NDUFB5: variants seen among roughly 807,000 people sequenced by gnomAD.
NDUFB5 encodes the protein NADH:ubiquinone oxidoreductase subunit B5.
Under a neutral mutation model 19.4 loss-of-function variants are expected in NDUFB5, and 19 were observed. That is an observed-to-expected ratio of 0.98 (90% CI 0.68 to 1.43). The LOEUF (loss-of-function observed/expected upper bound fraction) is 1.43, where lower values mean the gene tolerates loss of function less well. Among genes scored for constraint, NDUFB5 ranks in the 40% most tolerant of loss-of-function variants. The probability of loss-of-function intolerance (pLI) is 0.00; values close to 1 mark genes in which losing one functional copy is unlikely to be tolerated. For synonymous variants in NDUFB5, 80 were observed against 82.6 expected, an observed-to-expected ratio of 0.97 and a Z score of 0.17; for missense variants, 233 against 236.5, an observed-to-expected ratio of 0.99 and a Z score of 0.10.
At position 179,627,282 on chromosome 3, in the gene NDUFB5, G is replaced by A. The variant is rs1467283644; in HGVS notation, c.*3242G>A. On this transcript the variant is annotated 3_prime_UTR_variant, in exon 6 of 6. Coordinates refer to ENST00000259037, the MANE Select transcript of NDUFB5 (RefSeq NM_002492.4). ...CCCAATTCCCCCTGAGAAAGAGAAA[G>A]AGCTGGAGTCCTTTAAAAATTCACT... 6.6e-6 allele frequency: 1 copy of A among 152,192 alleles called. No homozygotes were observed. Among genetic ancestry groups the A allele is most frequent in the African/African-American group, 2.4e-5 (1 of 41,438 alleles). 9.4% of individuals were successfully genotyped at this position (152,192 alleles called of 1,614,324 possible).
At chr3:179,618,595 A>G in intron 5 of NDUFB5, 74 bp downstream of exon 5, 1 of 984,646 alleles carries the variant, frequency 1.0e-6, no homozygotes. Context: ...AATTAATAAA[A>G]CTATGAATAT....
In NDUFB5 at chr3:179,624,795, C is replaced by CTTTTTTT. The variant is rs56727188; in HGVS notation, c.*770_*776dup. The CTTTTTTT allele has an allele frequency of 2.2e-4, 21 of 97,268 alleles. No individual in the cohort carries two copies. Among genetic ancestry groups the CTTTTTTT allele is most frequent in the South Asian group, 3.5e-4 (1 of 2,828 alleles). The allele number at this position is 97,268 out of a possible 1,614,324, so 6.0% of individuals were successfully genotyped here. On this transcript the variant is annotated 3_prime_UTR_variant, in exon 6 of 6. Coordinates refer to ENST00000259037, the MANE Select transcript of NDUFB5 (RefSeq NM_002492.4). ...GCATTTTTTAACATTATTTTCTTTT[C>CTTTTTTT]TTTTTTTTTTTTTTTTTTTTTGACG...
rs752867060 is a variant in NDUFB5 at position 179,627,243 on chromosome 3, T to G, written c.*3203T>G. On this transcript the variant is annotated 3_prime_UTR_variant, in exon 6 of 6. Transcript: ENST00000259037. ...AAGAGTGTGTAAGCAGAAACTCAGTTGTACGTAAGAAAACCCAATTCCCCC... is the reference window on the plus strand; with the variant it reads ...AAGAGTGTGTAAGCAGAAACTCAGTGGTACGTAAGAAAACCCAATTCCCCC... The G allele has an allele frequency of 6.6e-6, 1 of 152,184 alleles. No individual in the cohort carries two copies. Among genetic ancestry groups the G allele is most frequent in the African/African-American group, 2.4e-5 (1 of 41,444 alleles). 9.4% of individuals were successfully genotyped at this position (152,184 alleles called of 1,614,324 possible). A position where few individuals can be genotyped will look rare whatever the true frequency, so the allele number is the denominator to read the frequency against.
At chr3:179,621,284 C>T (rs1288336451) in intron 5 of NDUFB5, among the ~76,000 whole-genome samples, 1 of 152,028 alleles carries the variant, frequency 6.6e-6, no homozygotes. Flanking sequence ...CACCGTGTTG[C>T]CTAGGCTGCT....
chr3:179,613,974 A>G lies in NDUFB5; in HGVS notation c.125-997A>G, dbSNP rs534417020. ...GGGGACAGCATTCCAGACATTAAAC[A>G]TGAACAAAAGATTCAGATCTTTCTG... On this transcript the variant is annotated intron_variant, in intron 1 of 5. Transcript: ENST00000259037. Among the ~76,000 whole-genome samples the G allele has an allele frequency of 2.0e-5, 3 of 152,354 alleles. No homozygotes were observed. In the South Asian group the frequency reaches 6.2e-4, roughly 32 times the overall value.
rs1006429565 is a variant in NDUFB5, at chr3:179,624,099, A to C, written c.*59A>C. 6.2e-6 allele frequency: 9 copies of C among 1,453,578 alleles called. No individual in the cohort carries two copies. The highest frequency in any genetic ancestry group is 1.5e-5 in the African/African-American group (1 of 68,796). The allele number at this position is 1,453,578 out of a possible 1,614,324, so 90.0% of individuals were successfully genotyped here. A position where few individuals can be genotyped will look rare whatever the true frequency, so the allele number is the denominator to read the frequency against. Reference sequence around the variant, plus strand: ...TTTATTGGAAAATAAATTAATAAATATATTCTGTATTTTTGCTCTCCGTGA... The same window carrying C: ...TTTATTGGAAAATAAATTAATAAATCTATTCTGTATTTTTGCTCTCCGTGA... On this transcript the variant is annotated 3_prime_UTR_variant, in exon 6 of 6. Coordinates refer to ENST00000259037, the MANE Select transcript of NDUFB5 (RefSeq NM_002492.4).
chr3:179,612,846 T>C (rs1287213799), intron 1 of NDUFB5, among the ~76,000 whole-genome samples: 2 of 152,162 alleles, frequency 1.3e-5, no homozygotes, highest in African/African-American at 2.4e-5. Context: ...AAGCTGAAAA[T>C]AGATTGTCCC....
rs1719681801 is a variant in NDUFB5, at chr3:179,626,745, G to T, written c.*2705G>T. On this transcript the variant is annotated 3_prime_UTR_variant, in exon 6 of 6. Coordinates refer to ENST00000259037, the MANE Select transcript of NDUFB5 (RefSeq NM_002492.4). ...AGGGGGTGTCACCATGTTGGCCAGG[G>T]TGATCTTGAACTTCTGACCTTGTGA... 6.6e-6 allele frequency: 1 copy of T among 152,122 alleles called. No individual in the cohort carries two copies. The highest frequency in any genetic ancestry group is 1.5e-5 in the Non-Finnish European group (1 of 68,060). The allele number at this position is 152,122 out of a possible 1,614,324, so 9.4% of individuals were successfully genotyped here.
chr3:179,617,070 A>G (rs376816320), intron 4 of NDUFB5, 26 bp downstream of exon 4: 13 of 1,482,838 alleles, frequency 8.8e-6, no homozygotes, highest in South Asian at 1.2e-5. Context: ...TGACAATTAC[A>G]TACTGTTACA....
chr3:179,616,852 A>G lies in NDUFB5; in HGVS notation c.281-131A>G, dbSNP rs1719392102. On this transcript the variant is annotated intron_variant, in intron 3 of 5. Transcript: ENST00000259037. ...TTAAAGTGAATTAAAAATACTACAT[A>G]TCTTCATTGGTACAAATTTTTTAAA... The G allele has an allele frequency of 6.1e-6, 4 of 658,284 alleles. No individual in the cohort carries two copies. In the Admixed American group the frequency reaches 8.5e-5, roughly 14 times the overall value. The allele number at this position is 658,284 out of a possible 1,614,324, so 40.8% of individuals were successfully genotyped here. A position where few individuals can be genotyped will look rare whatever the true frequency, so the allele number is the denominator to read the frequency against.
At chr3:179,622,206 G>A (rs1290412680) in intron 5 of NDUFB5, among the ~76,000 whole-genome samples, 1 of 152,130 alleles carries the variant, frequency 6.6e-6, no homozygotes, top group Non-Finnish European at 1.5e-5. Context: ...TGGCCAGGCT[G>A]ATCTCGAACT....
intron 5 of NDUFB5, among the ~76,000 whole-genome samples, chr3:179,620,482 A>G (rs182319445): frequency 2.0e-5 from 3 of 152,268 alleles, no homozygotes; most frequent in Admixed American, 6.5e-5. Context: ...GTTTTCGTCA[A>G]GTTTGTCAAA....
chr3:179,623,522 A>T (rs917462865), intron 5 of NDUFB5, among the ~76,000 whole-genome samples: 10 of 152,072 alleles, frequency 6.6e-5, no homozygotes, highest in African/African-American at 2.2e-4. Context: ...AAAAATACAA[A>T]AATTAGCTGG....
At chr3:179,605,079 A>G in intron 1 of NDUFB5, 140 bp downstream of exon 1, 1 of 1,264,870 alleles carries the variant, frequency 7.9e-7, no homozygotes, top group Non-Finnish European at 1.0e-6. Flanking sequence ...GAGACGGAGC[A>G]CGAGCTATAT....
chr3:179,615,540 A>G (rs1366086939), intron 2 of NDUFB5: 10 of 457,444 alleles, frequency 2.2e-5, no homozygotes, highest in Admixed American at 2.4e-5. Flanking sequence ...AATGCTGACT[A>G]TATTTCTGTC....
intron 4 of NDUFB5, among the ~76,000 whole-genome samples, chr3:179,617,758 T>G (rs1339855991): frequency 2.0e-5 from 3 of 152,134 alleles, no homozygotes; most frequent in Non-Finnish European, 4.4e-5. Flanking sequence ...TATTCCCTCT[T>G]TGTAGATGAA....
chr3:179,613,101 C>T (rs1248422520), intron 1 of NDUFB5, among the ~76,000 whole-genome samples: 1 of 152,096 alleles, frequency 6.6e-6, no homozygotes, highest in Admixed American at 6.6e-5. Flanking sequence ...CTTTTGGGAC[C>T]CCATGGCCAC....
chr3:179,622,087 C>T (rs925278657), intron 5 of NDUFB5, among the ~76,000 whole-genome samples: 10 of 152,154 alleles, frequency 6.6e-5, no homozygotes, highest in Non-Finnish European at 1.5e-4. Context: ...CCAGCCTCAG[C>T]CTCCTGAGTA....
intron 1 of NDUFB5, among the ~76,000 whole-genome samples, chr3:179,605,440 G>T (rs1480224845): frequency 1.3e-5 from 2 of 152,048 alleles, no homozygotes; most frequent in Admixed American, 6.6e-5. Flanking sequence ...AACTGGGGAG[G>T]AAGAGAGGTT....
Sources: allele counts gnomAD v4.1 joint callset (sites outside exome capture counted in the v4.1 genomes callset), GRCh38; gene constraint gnomAD v4.1.1; transcripts MANE v1.5; gene names NCBI Gene and HGNC (gene_info 2026-07-23, HGNC 2026-07-21).